TBPL2: variants seen among roughly 807,000 people sequenced by gnomAD.
TBPL2 encodes TATA-box binding protein like 2.
In TBPL2, 40 loss-of-function variants were observed where a neutral mutation model predicts 38.2. The ratio of observed to expected loss-of-function variants is 1.05; its 90% CI spans 0.81 to 1.36. The LOEUF (loss-of-function observed/expected upper bound fraction) is 1.36. TBPL2 is among the 40% of genes most tolerant of loss of function. The probability of loss-of-function intolerance (pLI) is 0.00; values close to 1 mark genes in which losing one functional copy is unlikely to be tolerated. For synonymous variants in TBPL2, 169 were observed against 171.7 expected, an observed-to-expected ratio of 0.98 and a Z score of 0.12; for missense variants, 461 against 456.7, an observed-to-expected ratio of 1.01 and a Z score of -0.09.
intron 6 of TBPL2, among the ~76,000 whole-genome samples, chr14:55,418,197 G>A (rs1885694822): frequency 6.6e-6 from 1 of 152,206 alleles, no homozygotes; most frequent in African/African-American, 2.4e-5. Flanking sequence ...CCTCAGCAGG[G>A]CTGGATTCCT....
chr14:55,432,013 T>C (rs544219997), intron 4 of TBPL2, among the ~76,000 whole-genome samples: 3 of 152,156 alleles, frequency 2.0e-5, no homozygotes, highest in Non-Finnish European at 2.9e-5. Context: ...AATATTTGTA[T>C]AATACTGTGC....
chr14:55,432,213 G>A (rs1355310739), intron 4 of TBPL2, among the ~76,000 whole-genome samples: 1 of 146,360 alleles, frequency 6.8e-6, no homozygotes, highest in African/African-American at 2.5e-5. Flanking sequence ...TTCGAGACCA[G>A]CCTGGGCAAT....
In TBPL2 at chr14:55,433,548, C is replaced by G. The variant is rs114672980; in HGVS notation, c.788+82G>C. On this transcript the variant is annotated intron_variant, in intron 4 of 6. Coordinates refer to ENST00000247219, the Ensembl canonical transcript of TBPL2. The stretch of plus-strand genomic sequence containing the variant: ...AAAGGCATTTTGCTTCTACTATGTG[C>G]TTTAGCACATTAATTCTATGCTTCC... The G allele has an allele frequency of 3.2e-4, 433 of 1,360,900 alleles. 4 individuals carry two copies. In the African/African-American group the frequency reaches 5.3e-3, roughly 17 times the overall value. The allele number at this position is 1,360,900 out of a possible 1,614,324, so 84.3% of individuals were successfully genotyped here.
chr14:55,427,259 T>C (rs1885840379), intron 5 of TBPL2, among the ~76,000 whole-genome samples: 1 of 134,448 alleles, frequency 7.4e-6, no homozygotes. Context: ...AAATGGGGTA[T>C]ATTTAGGCAT....
chr14:55,438,132 G>A (rs1246523897), intron 1 of TBPL2, among the ~76,000 whole-genome samples: 1 of 152,132 alleles, frequency 6.6e-6, no homozygotes, highest in Non-Finnish European at 1.5e-5. Context: ...GCTTGCAGGA[G>A]AAACTCAAAA....
At chr14:55,426,869 C>A (rs1299639874) in intron 5 of TBPL2, among the ~76,000 whole-genome samples, 2 of 152,184 alleles carry the variant, frequency 1.3e-5, no homozygotes, top group South Asian at 2.1e-4. Flanking sequence ...CAAGGGGCAC[C>A]TATTCTAGAC....
chr14:55,414,220 G>A (rs76994124), exon 7 of TBPL2: 3 of 593,004 alleles, frequency 5.1e-6, no homozygotes, highest in African/African-American at 1.9e-5. Flanking sequence ...TTTTGAATAA[G>A]AATTTTTCTT....
intron 6 of TBPL2, among the ~76,000 whole-genome samples, chr14:55,421,635 G>T (rs536216838): frequency 6.6e-5 from 10 of 152,154 alleles, no homozygotes; most frequent in Admixed American, 1.3e-4. Context: ...AGCTAATTTT[G>T]TATTTTCAGT....
At chr14:55,436,214 A>G (rs1886010114) in intron 2 of TBPL2, among the ~76,000 whole-genome samples, 1 of 152,156 alleles carries the variant, frequency 6.6e-6, no homozygotes, top group Non-Finnish European at 1.5e-5. Context: ...TTCTGAATCA[A>G]TTTGCAAATC....
At chr14:55,434,771 G>C (rs1885987306) in intron 3 of TBPL2, among the ~76,000 whole-genome samples, 1 of 152,170 alleles carries the variant, frequency 6.6e-6, no homozygotes, top group Admixed American at 6.5e-5. Flanking sequence ...TCAGATGTCA[G>C]CAACAATACT....
chr14:55,427,760 A>T (rs12433364), intron 5 of TBPL2, among the ~76,000 whole-genome samples: 3,349 of 152,174 alleles, frequency 0.022, 169 homozygotes, highest in Admixed American at 0.11. Context: ...GTCTGAAGTC[A>T]GGAAGGCTAG....
At chr14:55,415,502 C>G (rs143352289) in intron 6 of TBPL2, among the ~76,000 whole-genome samples, 1 of 152,314 alleles carries the variant, frequency 6.6e-6, no homozygotes, top group African/African-American at 2.4e-5. Context: ...TACGCACTTT[C>G]ATTGCAGCAC....
intron 5 of TBPL2, among the ~76,000 whole-genome samples, chr14:55,428,330 C>T (rs1462788149): frequency 1.3e-5 from 2 of 151,796 alleles, no homozygotes; most frequent in Admixed American, 1.3e-4. Flanking sequence ...AGGGTTTCAC[C>T]GTGTTAGCCA....
chr14:55,416,790 G>A (rs553959645), intron 6 of TBPL2, among the ~76,000 whole-genome samples: 2 of 152,178 alleles, frequency 1.3e-5, no homozygotes, highest in South Asian at 4.1e-4. Context: ...AATAGGTACA[G>A]CAAACACACA....
chr14:55,418,826 C>A (rs961329087), intron 6 of TBPL2, among the ~76,000 whole-genome samples: 12 of 152,128 alleles, frequency 7.9e-5, no homozygotes, highest in African/African-American at 2.9e-4. Context: ...GAGAAAAAAC[C>A]AGGAGAGTGT....
intron 6 of TBPL2, among the ~76,000 whole-genome samples, chr14:55,419,895 T>C (rs1359947026): frequency 6.6e-6 from 1 of 152,186 alleles, no homozygotes. Context: ...GCAAGTTATT[T>C]ACCATTATTG....
chr14:55,435,251 T>A (rs10483641), intron 3 of TBPL2, among the ~76,000 whole-genome samples: 10,271 of 151,940 alleles, frequency 0.068, 391 homozygotes, highest in Non-Finnish European at 0.088. Context: ...CATTTTAAGA[T>A]AGTTAGCATC....
At chr14:55,439,748 G>C (rs1235254107) in intron 1 of TBPL2, among the ~76,000 whole-genome samples, 1 of 151,752 alleles carries the variant, frequency 6.6e-6, no homozygotes, top group Non-Finnish European at 1.5e-5. Flanking sequence ...GGCTAACACG[G>C]TGAAACACTG....
At chr14:55,433,861 G>A (rs1171384906) in intron 3 of TBPL2, 140 bp from the exon 4 acceptor site, 8 of 615,650 alleles carry the variant, frequency 1.3e-5, no homozygotes, top group Non-Finnish European at 1.9e-5. Context: ...CCTACATTAA[G>A]GTTAACAAAA....
Sources: gnomAD v4.1 joint callset for allele counts (sites outside exome capture counted in the v4.1 genomes callset) on GRCh38, gnomAD v4.1.1 for gene constraint, MANE v1.5 for transcripts, NCBI Gene and HGNC (gene_info 2026-07-23, HGNC 2026-07-21) for gene names.